TAOK3: variants seen among roughly 807,000 people sequenced by gnomAD.
The protein encoded by TAOK3 is serine/threonine-protein kinase TAO3.
In TAOK3, 40 loss-of-function variants were observed where a neutral mutation model predicts 120.4. The ratio of observed to expected loss-of-function variants is 0.33; its 90% CI spans 0.26 to 0.43. TAOK3 has a LOEUF of 0.43. Ranked by LOEUF, TAOK3 falls within the 20% of genes least tolerant of loss-of-function variation. TAOK3 has a pLI of 1.00. For synonymous variants in TAOK3, 355 were observed against 387.5 expected (o/e 0.92, Z 0.99); for missense variants, 821 against 1,112.1 (o/e 0.74, Z 3.72).
At chr12:118,169,666 C>T (rs1017435108) in intron 17 of TAOK3, among the ~76,000 whole-genome samples, 1 of 152,026 alleles carries the variant, frequency 6.6e-6, no homozygotes, top group African/African-American at 2.4e-5. Flanking sequence ...TCTACCACAT[C>T]TTCATTTCCC....
chr12:118,295,886 G>T (rs888165307), intron 1 of TAOK3, among the ~76,000 whole-genome samples: 4 of 152,290 alleles, frequency 2.6e-5, no homozygotes, highest in Non-Finnish European at 5.9e-5. Flanking sequence ...CTAGGCATTA[G>T]AAATCATTGT....
At chr12:118,366,294 A>C (rs1253172832) in intron 1 of TAOK3, among the ~76,000 whole-genome samples, 1 of 152,034 alleles carries the variant, frequency 6.6e-6, no homozygotes, top group Admixed American at 6.6e-5. Context: ...ATAAAAAATA[A>C]AGAAAATTGG....
At chr12:118,222,925 A>C (rs2039307510) in intron 9 of TAOK3, among the ~76,000 whole-genome samples, 1 of 152,212 alleles carries the variant, frequency 6.6e-6, no homozygotes. Flanking sequence ...AAAGCTATTG[A>C]AATAAAAAAA....
chr12:118,217,104 T>C lies in TAOK3; in HGVS notation c.644-2994A>G, dbSNP rs2038946315. ...TTTTAAGTAAAGGCTCTTCTTCTAT[T>C]AACCACTTCTAAAATGACAAATCGG... is the stretch of plus-strand genomic sequence containing the variant. On this transcript the variant is annotated intron_variant, in intron 9 of 20. Transcript: ENST00000392533. 3.3e-5 allele frequency among the ~76,000 whole-genome samples: 5 copies of C among 152,182 alleles called. No homozygotes were observed. The South Asian group carries it at 1.0e-3, about 32-fold the overall frequency.
chr12:118,226,386 T>G (rs748865584), intron 9 of TAOK3, among the ~76,000 whole-genome samples: 1 of 148,794 alleles, frequency 6.7e-6, no homozygotes, highest in African/African-American at 2.5e-5. Context: ...AAAAAAAAAT[T>G]AGCCGGGCGT....
intron 1 of TAOK3, among the ~76,000 whole-genome samples, chr12:118,280,042 G>C (rs1462115883): frequency 8.0e-5 from 12 of 150,664 alleles, no homozygotes; most frequent in Non-Finnish European, 1.8e-4. Flanking sequence ...TGGGATTACA[G>C]GCGTGAGCCA....
At chr12:118,266,258 TCTCGGCTCAC>T (rs1310413353) in intron 2 of TAOK3, among the ~76,000 whole-genome samples, 1 of 152,204 alleles carries the variant, frequency 6.6e-6, no homozygotes, top group Non-Finnish European at 1.5e-5. Flanking sequence ...CAATGCACGA[TCTCGGCTCAC>T]CGCAACCTCT....
At chr12:118,226,586 C>T (rs886736382) in intron 9 of TAOK3, among the ~76,000 whole-genome samples, 5 of 150,748 alleles carry the variant, frequency 3.3e-5, no homozygotes, top group Admixed American at 2.0e-4. Flanking sequence ...CAAAGTCAGA[C>T]AACTACAAAA....
At chr12:118,171,401 G>A (rs555796267) in intron 17 of TAOK3, among the ~76,000 whole-genome samples, 1 of 152,290 alleles carries the variant, frequency 6.6e-6, no homozygotes, top group African/African-American at 2.4e-5. Flanking sequence ...CTATCACCCA[G>A]GCTGGAGTGC....
intron 1 of TAOK3, among the ~76,000 whole-genome samples, chr12:118,352,937 T>C (rs2045238231): frequency 6.6e-6 from 1 of 152,180 alleles, no homozygotes; most frequent in Non-Finnish European, 1.5e-5. Flanking sequence ...CTCGAACTCC[T>C]GACCTCAGGT....
rs1243167438 is a variant in TAOK3, at chr12:118,189,863, G to C, written c.1273C>G (p.Gln425Glu). 1 of 1,614,082 alleles carries C rather than the reference G, an allele frequency of 6.2e-7. No homozygotes were observed. Among genetic ancestry groups the C allele is most frequent in the Admixed American group, 1.7e-5 (1 of 59,998 alleles). Residue 425 changes from glutamine to glutamate, a missense_variant, in exon 14 of 21, where the codon CAG becomes GAG. Gln to Glu is a conservative substitution (Grantham distance 29). This residue lies in a region of TAOK3 where 467 missense variants were observed against 540.0 expected (regional missense o/e 0.86). Coordinates refer to ENST00000392533, the MANE Select transcript of TAOK3 (RefSeq NM_016281.4). ...EPRPTQSVQS[Q>E]ALHYRNRERF... ...TCTCTGTTCCGGTAGTGGAGGGCCT[G>C]GCTCTGAACTGACTGGGTAGGCCGC... is the stretch of plus-strand genomic sequence containing the variant.
At position 118,371,536 on chromosome 12, in the gene TAOK3, C is replaced by CG. The variant is rs371931486; in HGVS notation, c.-194+1111dup. Among the ~76,000 whole-genome samples the CG allele has an allele frequency of 1.3e-5, 2 of 151,792 alleles. No homozygotes were observed. The highest frequency in any genetic ancestry group is 2.9e-5 in the Non-Finnish European group (2 of 67,878). On this transcript the variant is annotated intron_variant, in intron 1 of 20. Transcript: ENST00000392533. The surrounding 1 kb of genome is among the most constrained non-coding windows in gnomAD (Gnocchi z 5.5). ...GACATAATCCGGCTCCGGAGTCCCC[C>CG]GGAGTCCCGGGGGCTCACACTCCAC...
chr12:118,158,671 G>A lies in TAOK3; in HGVS notation c.2352+1475C>T, dbSNP rs146712113. Among the ~76,000 whole-genome samples the A allele has an allele frequency of 8.1e-4, 124 of 152,186 alleles. 2 individuals are homozygous for A. The highest frequency in any genetic ancestry group is 2.9e-3 in the African/African-American group (121 of 41,512). On this transcript the variant is annotated intron_variant, in intron 19 of 20. Transcript: ENST00000392533. ...GAACTATTATAATGGCTTCCTAACAGGTCTCTTTACCTATATTTGCCACAT... is the reference window on the plus strand; with the variant it reads ...GAACTATTATAATGGCTTCCTAACAAGTCTCTTTACCTATATTTGCCACAT...
chr12:118,224,912 G>C (rs988533892), intron 9 of TAOK3, among the ~76,000 whole-genome samples: 1 of 152,076 alleles, frequency 6.6e-6, no homozygotes, highest in East Asian at 1.9e-4. Context: ...GAACAAAAGG[G>C]AACAGGACTA....
At chr12:118,181,668 C>A in intron 14 of TAOK3, 61 bp from the exon 15 acceptor site, 1 of 1,409,108 alleles carries the variant, frequency 7.1e-7, no homozygotes, top group Non-Finnish European at 1.0e-6. Context: ...AGCTTTCATG[C>A]AAAGTAGAAC....
chr12:118,360,475 G>A (rs1200310041), intron 1 of TAOK3, among the ~76,000 whole-genome samples: 1 of 151,254 alleles, frequency 6.6e-6, no homozygotes, highest in Non-Finnish European at 1.5e-5. Flanking sequence ...GGCTGAGGCA[G>A]GAGAATGGCG....
chr12:118,235,295 G>C (rs1196632446), intron 8 of TAOK3, among the ~76,000 whole-genome samples: 1 of 152,148 alleles, frequency 6.6e-6, no homozygotes, highest in Non-Finnish European at 1.5e-5. Flanking sequence ...TCGAAAACCT[G>C]AACTTGGTCA....
intron 1 of TAOK3, among the ~76,000 whole-genome samples, chr12:118,325,391 G>A (rs2043896199): frequency 6.6e-6 from 1 of 152,072 alleles, no homozygotes; most frequent in African/African-American, 2.4e-5. Context: ...ATTCATTATT[G>A]CCTGTCTTTT....
intron 11 of TAOK3, among the ~76,000 whole-genome samples, chr12:118,211,042 A>T (rs353889): frequency 0.48 from 73,679 of 152,030 alleles, 18,310 homozygotes; most frequent in Non-Finnish European, 0.54. Flanking sequence ...CGGCCTACTT[A>T]TTTATTTCTT....
Sources: gnomAD v4.1 joint callset for allele counts (sites outside exome capture counted in the v4.1 genomes callset) on GRCh38, gnomAD v4.1.1 for gene constraint, gnomAD v4.1.1 regional missense constraint, Gnocchi (gnomAD v3.1) non-coding constraint, MANE v1.5 for transcripts, NCBI Gene and HGNC (gene_info 2026-07-23, HGNC 2026-07-21) for gene names.